Variants in GRID2 observed in about 807,000 individuals in gnomAD.
The protein encoded by GRID2 is glutamate receptor ionotropic, delta-2.
Under a neutral mutation model 114.8 loss-of-function variants are expected in GRID2, and 33 were observed. That is an observed-to-expected ratio of 0.29 (90% CI 0.22 to 0.38). The LOEUF is 0.38. Ranked by LOEUF, GRID2 falls within the 10% of genes least tolerant of loss-of-function variation. The pLI is 1.00. For missense variants in GRID2, 1,184 were observed against 1,257.7 expected (o/e 0.94, Z 0.89); for synonymous variants, 505 against 449.9 (o/e 1.12, Z -1.55).
intron 1 of GRID2, among the ~76,000 whole-genome samples, chr4:92,415,740 G>GTATATATATATA (rs70940888): frequency 8.3e-4 from 68 of 82,192 alleles, no homozygotes; most frequent in East Asian, 2.2e-3. Flanking sequence ...GTGTATGTGT[G>GTATATATATATA]TATATATATA....
chr4:93,055,735 A>G (rs1309951162), intron 2 of GRID2, among the ~76,000 whole-genome samples: 1 of 151,930 alleles, frequency 6.6e-6, no homozygotes, highest in Non-Finnish European at 1.5e-5. Flanking sequence ...TGTCTCTGGA[A>G]GTAAAAAAAC....
At chr4:92,619,497 G>A (rs577980430) in intron 2 of GRID2, among the ~76,000 whole-genome samples, 1 of 151,572 alleles carries the variant, frequency 6.6e-6, no homozygotes, top group Non-Finnish European at 1.5e-5. Context: ...GCAACCTCAG[G>A]TTTGTTGAGA....
intron 2 of GRID2, among the ~76,000 whole-genome samples, chr4:92,844,471 G>A (rs1743146359): frequency 6.6e-6 from 1 of 151,990 alleles, no homozygotes; most frequent in Admixed American, 6.6e-5. Flanking sequence ...CCTGGGAAGA[G>A]GAGGTTGCAG....
intron 5 of GRID2, among the ~76,000 whole-genome samples, chr4:93,214,100 T>G (rs974437050): frequency 6.6e-6 from 1 of 152,060 alleles, no homozygotes; most frequent in African/African-American, 2.4e-5. Flanking sequence ...TTGGGTTCTT[T>G]AAATTACTTA....
intron 13 of GRID2, among the ~76,000 whole-genome samples, chr4:93,540,463 C>G (rs796287622): frequency 3.9e-4 from 59 of 152,072 alleles, no homozygotes; most frequent in African/African-American, 1.3e-3. Context: ...TAATTGGCAG[C>G]TCTGAAAAAC....
At chr4:93,491,074 C>CTG (rs1277086270) in intron 12 of GRID2, among the ~76,000 whole-genome samples, 16 of 151,820 alleles carry the variant, frequency 1.1e-4, no homozygotes, top group Middle Eastern at 3.2e-3. Context: ...ATGACTATAT[C>CTG]TGACTAACAC....
intron 5 of GRID2, among the ~76,000 whole-genome samples, chr4:93,209,435 T>A (rs1341095131): frequency 1.3e-5 from 2 of 152,142 alleles, no homozygotes; most frequent in Non-Finnish European, 1.5e-5. Context: ...ATCATTCCTT[T>A]TTTGTGATTG....
At chr4:92,872,832 C>T (rs1324422421) in intron 2 of GRID2, among the ~76,000 whole-genome samples, 2 of 152,204 alleles carry the variant, frequency 1.3e-5, no homozygotes, top group African/African-American at 4.8e-5. Flanking sequence ...CAAAGGTGCT[C>T]TGTGAATATG....
intron 2 of GRID2, among the ~76,000 whole-genome samples, chr4:92,744,673 T>C (rs1034475949): frequency 5.3e-5 from 8 of 152,002 alleles, no homozygotes; most frequent in African/African-American, 1.9e-4. Flanking sequence ...GTGTTTCTCA[T>C]CCTTTAGTTT....
intron 1 of GRID2, among the ~76,000 whole-genome samples, chr4:92,433,985 G>A (rs891003366): frequency 6.6e-6 from 1 of 152,152 alleles, no homozygotes; most frequent in African/African-American, 2.4e-5. Context: ...TACACAGTGG[G>A]ATCATGGATT....
At chr4:92,681,861 G>A (rs1733666431) in intron 2 of GRID2, among the ~76,000 whole-genome samples, 2 of 151,928 alleles carry the variant, frequency 1.3e-5, no homozygotes, top group South Asian at 2.1e-4. Context: ...AGAAATGGAA[G>A]CCATATGCAT....
At chr4:92,744,269 C>G (rs1004970329) in intron 2 of GRID2, among the ~76,000 whole-genome samples, 2 of 152,004 alleles carry the variant, frequency 1.3e-5, no homozygotes, top group African/African-American at 4.8e-5. Context: ...GTGGGCAGAT[C>G]ATGAGGTCAA....
intron 5 of GRID2, among the ~76,000 whole-genome samples, chr4:93,215,569 A>G (rs1475527360): frequency 6.6e-6 from 1 of 152,040 alleles, no homozygotes; most frequent in African/African-American, 2.4e-5. Flanking sequence ...AACCATTTTT[A>G]TGGAACATTA....
chr4:93,109,075 C>T (rs1372145099), intron 3 of GRID2, among the ~76,000 whole-genome samples: 2 of 152,196 alleles, frequency 1.3e-5, no homozygotes. Context: ...GTACCTCTAC[C>T]AGTGTCAACC....
intron 13 of GRID2, among the ~76,000 whole-genome samples, chr4:93,566,995 G>GAGC (rs554419301): frequency 2.6e-5 from 4 of 152,060 alleles, no homozygotes; most frequent in Admixed American, 6.6e-5. Flanking sequence ...GTGGTCAGCA[G>GAGC]AGCAGCAGCA....
In GRID2 at chr4:92,429,174, T is replaced by C. The variant is rs115546348; in HGVS notation, c.88+124430T>C. 4.3e-3 allele frequency among the ~76,000 whole-genome samples: 659 copies of C among 152,300 alleles called. 5 individuals are homozygous for C. Among genetic ancestry groups the C allele is most frequent in the African/African-American group, 0.015 (622 of 41,556 alleles). On this transcript the variant is annotated intron_variant, in intron 1 of 15. Transcript: ENST00000282020. ...AAGGTGTATACATTGATGGGGTGCA[T>C]GAGATATTTCGATGCAAGCCTACAA... is the stretch of plus-strand genomic sequence containing the variant.
At chr4:92,788,731 T>C (rs1739438021) in intron 2 of GRID2, among the ~76,000 whole-genome samples, 2 of 151,878 alleles carry the variant, frequency 1.3e-5, no homozygotes, top group African/African-American at 2.4e-5. Flanking sequence ...TTATTATCTA[T>C]CTTAAGATAT....
chr4:92,894,660 G>A (rs1173181990), intron 2 of GRID2, among the ~76,000 whole-genome samples: 3 of 151,952 alleles, frequency 2.0e-5, no homozygotes, highest in African/African-American at 7.2e-5. Flanking sequence ...CTTAATTATG[G>A]GGAACACGTT....
intron 2 of GRID2, among the ~76,000 whole-genome samples, chr4:92,665,499 A>G (rs1001349496): frequency 4.0e-5 from 6 of 151,358 alleles, no homozygotes; most frequent in African/African-American, 1.4e-4. Context: ...TAAATTTTTC[A>G]TGTATTTATT....
Sources: gnomAD v4.1 joint callset for allele counts (sites outside exome capture counted in the v4.1 genomes callset) on GRCh38, gnomAD v4.1.1 for gene constraint, MANE v1.5 for transcripts, NCBI Gene and HGNC (gene_info 2026-07-23, HGNC 2026-07-21) for gene names.